Variants in SENP8 observed in about 807,000 individuals in gnomAD.
SENP8 encodes SUMO peptidase family member, NEDD8 specific, also known as sentrin-specific protease 8.
Under a neutral mutation model 14.4 loss-of-function variants are expected in SENP8, and 10 were observed. The observed-to-expected ratio is 0.69, with a 90% CI of 0.43 to 1.18. The LOEUF is 1.18. SENP8 is among the 50% of genes most tolerant of loss of function. SENP8 has a pLI of 0.00. For missense variants in SENP8, 202 were observed against 249.4 expected, an observed-to-expected ratio of 0.81 and a Z score of 1.28; for synonymous variants, 94 against 95.5, an observed-to-expected ratio of 0.98 and a Z score of 0.09.
intron 1 of SENP8, among the ~76,000 whole-genome samples, chr15:72,133,643 G>C (rs1462844768): frequency 6.6e-6 from 1 of 152,122 alleles, no homozygotes; most frequent in Non-Finnish European, 1.5e-5. Context: ...TTATCTCATT[G>C]ACTAGAAGCC....
chr15:72,125,093 G>A (rs949751074), intron 1 of SENP8, among the ~76,000 whole-genome samples: 1 of 152,046 alleles, frequency 6.6e-6, no homozygotes, highest in Non-Finnish European at 1.5e-5. Context: ...TACTGCCATG[G>A]TGAATATCTT....
chr15:72,121,578 A>T (rs2081167940), intron 1 of SENP8, among the ~76,000 whole-genome samples: 1 of 138,116 alleles, frequency 7.2e-6, no homozygotes, highest in Non-Finnish European at 1.6e-5. Context: ...AAAAAAAAAA[A>T]GAAAATTAGC....
rs768417684 is a variant in SENP8, at chr15:72,139,895, A to G, written c.272A>G (p.Asn91Ser). ...PNKRVVFLAINDNSNQAAGGT... is the reference protein window; with the variant it reads ...PNKRVVFLAISDNSNQAAGGT... Reference sequence around the variant, plus strand: ...AAGAGAGTTGTATTTTTAGCCATCAATGATAACTCCAACCAGGCAGCTGGA... The same window carrying G: ...AAGAGAGTTGTATTTTTAGCCATCAGTGATAACTCCAACCAGGCAGCTGGA... Residue 91 changes from asparagine (N) to serine (S), a missense_variant, in exon 2 of 2, where the codon AAT (asparagine) becomes AGT (serine). Asn to Ser is a conservative substitution (Grantham distance 46). Transcript: ENST00000340912. 37 of 1,614,102 alleles carry G rather than the reference A, an allele frequency of 2.3e-5. No homozygotes were observed. The highest frequency in any genetic ancestry group is 2.9e-5 in the Non-Finnish European group (34 of 1,180,042).
intron 1 of SENP8, among the ~76,000 whole-genome samples, chr15:72,131,691 A>G (rs766397442): frequency 2.0e-5 from 3 of 152,176 alleles, no homozygotes; most frequent in Non-Finnish European, 4.4e-5. Flanking sequence ...AACCCCTGTA[A>G]TGACAGGGTT....
chr15:72,139,559 A>G lies in SENP8; in HGVS notation c.-47-18A>G, dbSNP rs369216544. 1.5e-4 allele frequency: 234 copies of G among 1,543,752 alleles called. 1 individual carries two copies. The African/African-American group carries it at 2.9e-3, about 19-fold the overall frequency. On this transcript the variant is annotated intron_variant, in intron 1 of 1. Transcript: ENST00000340912. ...ATTTTACAGTCAGGTATTTATTGAC[A>G]ATAATATTGTCTTCTAGCTCTTGTT...
rs2081381847 is a variant in SENP8 at position 72,141,758 on chromosome 15, A to AT, written c.*1497dup. On this transcript the variant is annotated 3_prime_UTR_variant, in exon 2 of 2. Coordinates refer to ENST00000340912, the MANE Select transcript of SENP8 (RefSeq NM_145204.4). ...TCCATTTCAAGTCGGTACATTTTGG[A>AT]TAAAAACCAGTCCTAATGGAAGATG... 6.6e-6 allele frequency: 1 copy of AT among 152,254 alleles called. No homozygotes were observed. The highest frequency in any genetic ancestry group is 2.1e-4 in the South Asian group (1 of 4,834). 9.4% of individuals were successfully genotyped at this position (152,254 alleles called of 1,614,324 possible). A position where few individuals can be genotyped will look rare whatever the true frequency, so the allele number is the denominator to read the frequency against.
upstream of SENP8, chr15:72,117,743 TCCGCCCC>T: frequency 5.1e-6 from 2 of 394,560 alleles, no homozygotes; most frequent in Middle Eastern, 6.4e-4. Flanking sequence ...CCTTCCACCC[TCCGCCCC>T]AGGGTAGGAC....
At chr15:72,133,387 C>T (rs2081294329) in intron 1 of SENP8, among the ~76,000 whole-genome samples, 1 of 152,224 alleles carries the variant, frequency 6.6e-6, no homozygotes, top group Admixed American at 6.5e-5. Context: ...TGCACCTCTA[C>T]TACTCCCACT....
chr15:72,122,407 C>A (rs187799263), intron 1 of SENP8, among the ~76,000 whole-genome samples: 10 of 152,194 alleles, frequency 6.6e-5, no homozygotes, highest in African/African-American at 2.2e-4. Flanking sequence ...GTCCTCAAGG[C>A]CCAGGCAACC....
Position 72,130,671 on chromosome 15 carries a change from C to A in SENP8, c.-47-8906C>A, listed in dbSNP as rs2081265249. On this transcript the variant is annotated intron_variant, in intron 1 of 1. Transcript: ENST00000340912. Reference sequence around the variant, plus strand: ...CTCCACCTCCCAGGTTCAAGCAATTCTCCTGCCTCAGCCTCCCAAGTAGCT... The same window carrying A: ...CTCCACCTCCCAGGTTCAAGCAATTATCCTGCCTCAGCCTCCCAAGTAGCT... Among the ~76,000 whole-genome samples, 3 of 145,772 alleles carry A rather than the reference C, an allele frequency of 2.1e-5. No homozygotes were observed. In the South Asian group the frequency reaches 6.6e-4, roughly 32 times the overall value.
rs1186827511 is a variant in SENP8, at chr15:72,143,163, A to G, written c.*2901A>G. ...CAGTGAGCTGAGATTGTGCCACTGC[A>G]CTCCAGCCTAGGCAACAGAGCGAGA... is the stretch of plus-strand genomic sequence containing the variant. On this transcript the variant is annotated 3_prime_UTR_variant, in exon 2 of 2. Coordinates refer to ENST00000340912, the MANE Select transcript of SENP8 (RefSeq NM_145204.4). The G allele has an allele frequency of 6.6e-6, 1 of 151,756 alleles. No individual in the cohort carries two copies. Among genetic ancestry groups the G allele is most frequent in the African/African-American group, 2.4e-5 (1 of 41,256 alleles). 9.4% of individuals were successfully genotyped at this position (151,756 alleles called of 1,614,324 possible). A position where few individuals can be genotyped will look rare whatever the true frequency, so the allele number is the denominator to read the frequency against.
Position 72,133,654 on chromosome 15 carries a change from A to G in SENP8, c.-47-5923A>G, listed in dbSNP as rs140913942. Among the ~76,000 whole-genome samples, 578 of 152,328 alleles carry G rather than the reference A, an allele frequency of 3.8e-3. 3 individuals carry two copies. The highest frequency in any genetic ancestry group is 0.013 in the African/African-American group (550 of 41,572). The stretch of plus-strand genomic sequence containing the variant: ...TTTCTTATCTCATTGACTAGAAGCC[A>G]CCTTATACATCTTTGTATCTCCCAT... On this transcript the variant is annotated intron_variant, in intron 1 of 1. Coordinates refer to ENST00000340912, the MANE Select transcript of SENP8 (RefSeq NM_145204.4).
At chr15:72,128,166 A>G (rs2081238760) in intron 1 of SENP8, among the ~76,000 whole-genome samples, 1 of 152,132 alleles carries the variant, frequency 6.6e-6, no homozygotes, top group African/African-American at 2.4e-5. Context: ...AGAGAGAGAA[A>G]GAAAAAAACT....
upstream of SENP8, chr15:72,117,117 G>A (rs2081012447): frequency 6.6e-6 from 1 of 152,192 alleles, no homozygotes; most frequent in Non-Finnish European, 1.5e-5. Flanking sequence ...TGGGAGAGAA[G>A]CCAAAGTCTG....
intron 1 of SENP8, among the ~76,000 whole-genome samples, chr15:72,133,589 C>G (rs1333095579): frequency 6.6e-6 from 1 of 152,222 alleles, no homozygotes. Flanking sequence ...ATTATTCTCT[C>G]TTGTGAATTC....
intron 1 of SENP8, among the ~76,000 whole-genome samples, chr15:72,137,651 G>A (rs2081339440): frequency 6.6e-6 from 1 of 152,132 alleles, no homozygotes; most frequent in Non-Finnish European, 1.5e-5. Flanking sequence ...ATGGAAGGAG[G>A]AAGCAATATT....
chr15:72,142,698 T>C lies in SENP8; in HGVS notation c.*2436T>C, dbSNP rs1251696370. 1 of 152,222 alleles carries C rather than the reference T, an allele frequency of 6.6e-6. No homozygotes were observed. The highest frequency in any genetic ancestry group is 1.9e-4 in the East Asian group (1 of 5,202). 9.4% of individuals were successfully genotyped at this position (152,222 alleles called of 1,614,324 possible). A position where few individuals can be genotyped will look rare whatever the true frequency, so the allele number is the denominator to read the frequency against. On this transcript the variant is annotated 3_prime_UTR_variant, in exon 2 of 2. Coordinates refer to ENST00000340912, the MANE Select transcript of SENP8 (RefSeq NM_145204.4). The stretch of plus-strand genomic sequence containing the variant: ...AAGTATCAGTGGGTTTCCTATGTAA[T>C]AGTGTTTAAAACACAAATATTTCAA...
rs2081390090 is a variant in SENP8, at chr15:72,143,042, C to T, written c.*2780C>T. 6.6e-6 allele frequency: 1 copy of T among 152,062 alleles called. No individual in the cohort carries two copies. The highest frequency in any genetic ancestry group is 2.4e-5 in the African/African-American group (1 of 41,412). 9.4% of individuals were successfully genotyped at this position (152,062 alleles called of 1,614,324 possible). A position where few individuals can be genotyped will look rare whatever the true frequency, so the allele number is the denominator to read the frequency against. On this transcript the variant is annotated 3_prime_UTR_variant, in exon 2 of 2. Coordinates refer to ENST00000340912, the MANE Select transcript of SENP8 (RefSeq NM_145204.4). ...CGAAACCCCGTCTCTACTAAAAATACAAAAATTAGCCGGGCATGGTAGGTG... is the reference window on the plus strand; with the variant it reads ...CGAAACCCCGTCTCTACTAAAAATATAAAAATTAGCCGGGCATGGTAGGTG...
At chr15:72,133,030 G>C (rs1051753426) in intron 1 of SENP8, among the ~76,000 whole-genome samples, 4 of 152,134 alleles carry the variant, frequency 2.6e-5, no homozygotes, top group Non-Finnish European at 4.4e-5. Flanking sequence ...AATTAGCCAG[G>C]CATGGTGCCA....
Sources: gnomAD v4.1 joint callset for allele counts (sites outside exome capture counted in the v4.1 genomes callset) on GRCh38, gnomAD v4.1.1 for gene constraint, MANE v1.5 for transcripts, NCBI Gene and HGNC (gene_info 2026-07-23, HGNC 2026-07-21) for gene names.